IL16: variants seen among roughly 807,000 people sequenced by gnomAD.
IL16 encodes the protein pro-interleukin-16.
A neutral mutation model predicts 110.1 loss-of-function variants in IL16; 67 were observed. The observed-to-expected ratio is 0.61, with a 90% CI of 0.50 to 0.75. IL16 has a LOEUF of 0.75. Among genes scored for constraint, IL16 ranks in the 30% least tolerant of loss-of-function variants. The probability of loss-of-function intolerance (pLI) is 0.00; values close to 1 mark genes in which losing one functional copy is unlikely to be tolerated. For missense variants in IL16, 1,545 were observed against 1,655.0 expected (o/e 0.93, Z 1.15); for synonymous variants, 689 against 662.9 (o/e 1.04, Z -0.61).
Position 81,292,796 on chromosome 15 carries a change from T to A in IL16, c.1661T>A (p.Val554Glu). The change falls in exon 12 of 19, where the codon GTG (valine) becomes GAG (glutamate). Residue 554 changes from valine to glutamate, a missense_variant. By Grantham distance (121) the Val-to-Glu change is moderately radical. Transcript: ENST00000683961. ...PSLPLAREPV[V>E]LSIASSRLPQ... ...TTGCCTCTGGCACGGGAGCCAGTGGTGCTTTCTATAGCATCCTCCAGGCTG... is the reference window on the plus strand; with the variant it reads ...TTGCCTCTGGCACGGGAGCCAGTGGAGCTTTCTATAGCATCCTCCAGGCTG... The A allele has an allele frequency of 6.2e-7, 1 of 1,614,086 alleles. No individual in the cohort carries two copies. The highest frequency in any genetic ancestry group is 1.1e-5 in the South Asian group (1 of 91,074).
At position 81,282,643 on chromosome 15, in the gene IL16, C is replaced by T. The variant is rs374934419; in HGVS notation, c.1086C>T (p.Ala362=). The change falls in exon 9 of 19, where the codon GCC becomes GCT. Residue 362 remains alanine, a synonymous_variant. Coordinates refer to ENST00000683961, the MANE Select transcript of IL16 (RefSeq NM_172217.5). ...CCCGCCCTGTTCTGCTTCCAGAGGC[C>T]GGCGTGGGCCTGGGCATCGGCCTGT... ...IMVEVSLQKE[A]GVGLGIGLCS... The T allele has an allele frequency of 4.0e-5, 64 of 1,611,776 alleles. No homozygotes were observed. The highest frequency in any genetic ancestry group is 8.8e-5 in the South Asian group (8 of 91,060).
intron 5 of IL16, among the ~76,000 whole-genome samples, chr15:81,270,914 G>A (rs931197496): frequency 3.3e-5 from 5 of 152,146 alleles, no homozygotes; most frequent in Admixed American, 1.3e-4. Flanking sequence ...ACTATCTGGC[G>A]ATAAAACCTA....
Position 81,299,425 on chromosome 15 carries a change from C to T in IL16, c.2099C>T (p.Ala700Val), listed in dbSNP as rs1211377411. 6.2e-7 allele frequency: 1 copy of T among 1,614,084 alleles called. No individual in the cohort carries two copies. ...AAACACCCACTGCTTAAGAGGCAGGCTCGGATGGACTATAGCTTTGATACC... is the reference window on the plus strand; with the variant it reads ...AAACACCCACTGCTTAAGAGGCAGGTTCGGATGGACTATAGCTTTGATACC... ...PIKHPLLKRQARMDYSFDTTA... is the reference protein window; with the variant it reads ...PIKHPLLKRQVRMDYSFDTTA... The change falls in exon 14 of 19, where the codon GCT (alanine) becomes GTT (valine). Residue 700 changes from alanine to valine, a missense_variant. Ala to Val is a moderately conservative substitution (Grantham distance 64). Around this residue, in one of 3 missense-constraint regions of IL16, gnomAD observed 1,185 missense variants for 1,238.8 expected, o/e 0.96. Transcript: ENST00000683961.
chr15:81,224,426 G>C (rs1366564904), intron 1 of IL16, among the ~76,000 whole-genome samples: 1 of 152,196 alleles, frequency 6.6e-6, no homozygotes, highest in Admixed American at 6.5e-5. Flanking sequence ...GGCTCCTCTT[G>C]GCAAAGCTGA....
At chr15:81,279,485 T>C in intron 7 of IL16, 73 bp from the exon 8 acceptor site, 1 of 1,031,216 alleles carries the variant, frequency 9.7e-7, no homozygotes, top group South Asian at 1.4e-5. Flanking sequence ...CAGAGGTGTG[T>C]TTCCTTAAAC....
chr15:81,311,309 T>C lies in IL16; in HGVS notation c.*2511T>C, dbSNP rs554856822. The C allele has an allele frequency of 1.3e-5, 2 of 152,340 alleles. No homozygotes were observed. Among genetic ancestry groups the C allele is most frequent in the South Asian group, 4.1e-4 (2 of 4,832 alleles). 9.4% of individuals were successfully genotyped at this position (152,340 alleles called of 1,614,324 possible). A position where few individuals can be genotyped will look rare whatever the true frequency, so the allele number is the denominator to read the frequency against. On this transcript the variant is annotated 3_prime_UTR_variant, in exon 19 of 19. Transcript: ENST00000683961. ...GCATTTTACTGATTCATACATTATC[T>C]CACTTGTGCCAACACTCAAGAAGCA...
Position 81,300,337 on chromosome 15 carries a change from G to A in IL16, c.3011G>A (p.Cys1004Tyr). The A allele has an allele frequency of 6.2e-7, 1 of 1,614,144 alleles. No homozygotes were observed. Among genetic ancestry groups the A allele is most frequent in the Non-Finnish European group, 8.5e-7 (1 of 1,180,022 alleles). Residue 1004 changes from cysteine to tyrosine, a missense_variant, in exon 14 of 19, where the codon TGC becomes TAC. Cys to Tyr is a radical substitution (Grantham distance 194, BLOSUM62 -2). This residue lies in a region of IL16 where 356 missense variants were observed against 399.3 expected (regional missense o/e 0.89). Coordinates refer to ENST00000683961, the MANE Select transcript of IL16 (RefSeq NM_172217.5). ...TCGGCTGTCATGAAATCCTTGCTGTGCCTTCCATCTTCTATCTCCTGTGCC... is the reference window on the plus strand; with the variant it reads ...TCGGCTGTCATGAAATCCTTGCTGTACCTTCCATCTTCTATCTCCTGTGCC... ...VSSAVMKSLL[C>Y]LPSSISCAQT...
chr15:81,313,145 G>C lies in IL16; in HGVS notation c.*4347G>C. ...TCAGAGATGCGCAGTCCATCAGCTT[G>C]TTCCAAAGAGTGAACACAGGCCTCT... On this transcript the variant is annotated 3_prime_UTR_variant, in exon 19 of 19. Coordinates refer to ENST00000683961, the MANE Select transcript of IL16 (RefSeq NM_172217.5). 7.7e-7 allele frequency: 1 copy of C among 1,294,050 alleles called. No homozygotes were observed. The allele number at this position is 1,294,050 out of a possible 1,614,324, so 80.2% of individuals were successfully genotyped here.
intron 1 of IL16, among the ~76,000 whole-genome samples, chr15:81,205,567 T>C (rs1895986233): frequency 6.6e-6 from 1 of 151,890 alleles, no homozygotes; most frequent in Admixed American, 6.6e-5. Flanking sequence ...GTGAATAAGT[T>C]GACTGGAAAA....
chr15:81,304,362 C>T (rs1469375505), intron 16 of IL16, among the ~76,000 whole-genome samples: 1 of 152,196 alleles, frequency 6.6e-6, no homozygotes, highest in Non-Finnish European at 1.5e-5. Context: ...GTGGGAATGG[C>T]ACTTTGGGTA....
At chr15:81,243,164 T>TATATACATATATA (rs60077602) in intron 2 of IL16, among the ~76,000 whole-genome samples, 8 of 15,756 alleles carry the variant, frequency 5.1e-4, no homozygotes, top group South Asian at 4.0e-3. Flanking sequence ...TATATATATA[T>TATATACATATATA]TTTTTTTTTT....
rs1333994999 is a variant in IL16 at position 81,303,092 on chromosome 15, T to G, written c.3319-457T>G. 1 of 162,318 alleles carries G rather than the reference T, an allele frequency of 6.2e-6. No homozygotes were observed. Among genetic ancestry groups the G allele is most frequent in the African/African-American group, 2.4e-5 (1 of 41,502 alleles). 10.1% of individuals were successfully genotyped at this position (162,318 alleles called of 1,614,324 possible). A position where few individuals can be genotyped will look rare whatever the true frequency, so the allele number is the denominator to read the frequency against. ...GGGCAGGATGTTAGCTGGGCTTCCT[T>G]AGTGCTGCTGCTGTGACCCATGGAG... is the stretch of plus-strand genomic sequence containing the variant. On this transcript the variant is annotated intron_variant, in intron 15 of 18. Transcript: ENST00000683961. The surrounding 1 kb of genome is among the most constrained non-coding windows in gnomAD (Gnocchi z 4.1).
intron 2 of IL16, among the ~76,000 whole-genome samples, chr15:81,230,995 G>C (rs1386999318): frequency 6.6e-6 from 1 of 151,836 alleles, no homozygotes; most frequent in Non-Finnish European, 1.5e-5. Context: ...AGGAGTGAGA[G>C]GGATCACTCC....
At chr15:81,281,147 G>A (rs1899155718) in intron 8 of IL16, among the ~76,000 whole-genome samples, 1 of 152,214 alleles carries the variant, frequency 6.6e-6, no homozygotes, top group South Asian at 2.1e-4. Flanking sequence ...GAAGGGCTCT[G>A]ACTTTTACCA....
intron 2 of IL16, among the ~76,000 whole-genome samples, chr15:81,230,495 A>G: frequency 6.6e-6 from 1 of 152,138 alleles, no homozygotes; most frequent in Admixed American, 6.5e-5. Context: ...AAAGAAATAG[A>G]TTTGATATTA....
At chr15:81,229,755 C>T (rs895027102) in intron 2 of IL16, among the ~76,000 whole-genome samples, 25 of 152,272 alleles carry the variant, frequency 1.6e-4, no homozygotes, top group African/African-American at 1.4e-4. Context: ...CTAGTCCATG[C>T]CCTGTCTGCC....
intron 15 of IL16, chr15:81,302,298 G>A (rs547604239): frequency 6.6e-6 from 1 of 152,394 alleles, no homozygotes; most frequent in South Asian, 2.1e-4. Flanking sequence ...CTTTCGCTGT[G>A]GCTTTCACTT....
chr15:81,205,162 C>G (rs28411909), intron 1 of IL16, among the ~76,000 whole-genome samples: 1 of 151,658 alleles, frequency 6.6e-6, no homozygotes, highest in Non-Finnish European at 1.5e-5. Context: ...AAAAATTAGC[C>G]GGGCATAGTG....
At chr15:81,284,760 T>G (rs1250196901) in intron 9 of IL16, among the ~76,000 whole-genome samples, 1 of 152,172 alleles carries the variant, frequency 6.6e-6, no homozygotes, top group African/African-American at 2.4e-5. Context: ...CTGTTTTGGT[T>G]TTGTTGTTGT....
Sources: allele counts gnomAD v4.1 joint callset (sites outside exome capture counted in the v4.1 genomes callset), GRCh38; gene constraint gnomAD v4.1.1; regional missense constraint gnomAD v4.1.1; non-coding constraint Gnocchi (gnomAD v3.1); transcripts MANE v1.5; gene names NCBI Gene and HGNC (gene_info 2026-07-23, HGNC 2026-07-21).